SPOCK1: variants seen among roughly 807,000 people sequenced by gnomAD.
The protein encoded by SPOCK1 is testican-1.
In SPOCK1, 23 loss-of-function variants were observed where a neutral mutation model predicts 55.3. The observed-to-expected ratio is 0.42, with a 90% CI of 0.30 to 0.59. The LOEUF is 0.59. SPOCK1 is among the 20% of genes least tolerant of loss of function. SPOCK1 has a pLI of 0.22. For missense variants in SPOCK1, 499 were observed against 552.5 expected, an observed-to-expected ratio of 0.90 and a Z score of 0.97; for synonymous variants, 226 against 221.0, an observed-to-expected ratio of 1.02 and a Z score of -0.20.
chr5:137,196,459 G>T (rs1755300524), intron 3 of SPOCK1, among the ~76,000 whole-genome samples: 1 of 152,184 alleles, frequency 6.6e-6, no homozygotes, highest in African/African-American at 2.4e-5. Flanking sequence ...CATCTCACCA[G>T]GCTTTCCTTA....
chr5:137,420,217 T>A (rs920476588), intron 2 of SPOCK1, among the ~76,000 whole-genome samples: 12 of 152,242 alleles, frequency 7.9e-5, no homozygotes, highest in African/African-American at 1.2e-4. Context: ...ATTGAGAATT[T>A]TTGCATCAAT....
At chr5:136,991,874 C>T (rs978607173) in intron 7 of SPOCK1, among the ~76,000 whole-genome samples, 2 of 152,108 alleles carry the variant, frequency 1.3e-5, no homozygotes, top group Non-Finnish European at 2.9e-5. Flanking sequence ...CTGATGCTGG[C>T]GGGAGGCTCC....
intron 2 of SPOCK1, among the ~76,000 whole-genome samples, chr5:137,399,737 T>C (rs1308106795): frequency 3.9e-5 from 6 of 152,202 alleles, no homozygotes; most frequent in Non-Finnish European, 8.8e-5. Flanking sequence ...ATATATTTTT[T>C]AAATTGATTG....
At chr5:137,017,150 G>A (rs1170242586) in intron 6 of SPOCK1, among the ~76,000 whole-genome samples, 1 of 152,248 alleles carries the variant, frequency 6.6e-6, no homozygotes, top group East Asian at 1.9e-4. Flanking sequence ...CTACCACAGA[G>A]CGAGGAATTA....
intron 2 of SPOCK1, among the ~76,000 whole-genome samples, chr5:137,344,504 C>A (rs1750510033): frequency 6.6e-6 from 1 of 152,124 alleles, no homozygotes; most frequent in Admixed American, 6.5e-5. Context: ...GTGATTTTGC[C>A]CCCTAGGGGA....
At chr5:137,248,588 CT>C (rs1756445129) in intron 3 of SPOCK1, among the ~76,000 whole-genome samples, 1 of 152,172 alleles carries the variant, frequency 6.6e-6, no homozygotes, top group Non-Finnish European at 1.5e-5. Flanking sequence ...TTGAAGTCAA[CT>C]CTGTGTTCAA....
intron 2 of SPOCK1, among the ~76,000 whole-genome samples, chr5:137,306,281 G>A (rs1757699604): frequency 6.6e-6 from 1 of 152,230 alleles, no homozygotes; most frequent in Non-Finnish European, 1.5e-5. Flanking sequence ...CACCATGGGG[G>A]TTTGGTGCTC....
chr5:137,190,639 G>A (rs1235714428), intron 3 of SPOCK1, among the ~76,000 whole-genome samples: 1 of 152,154 alleles, frequency 6.6e-6, no homozygotes, highest in African/African-American at 2.4e-5. Context: ...TCTAAGGTAT[G>A]CCTGTACTCT....
intron 2 of SPOCK1, among the ~76,000 whole-genome samples, chr5:137,347,434 A>G (rs1442710076): frequency 6.6e-6 from 1 of 152,216 alleles, no homozygotes; most frequent in Non-Finnish European, 1.5e-5. Flanking sequence ...AGTATCAACT[A>G]AAACAGCCTC....
At chr5:136,983,450 C>G (rs1750772459) in intron 9 of SPOCK1, among the ~76,000 whole-genome samples, 1 of 152,132 alleles carries the variant, frequency 6.6e-6, no homozygotes, top group African/African-American at 2.4e-5. Flanking sequence ...TATCCACCCT[C>G]TCATTAAGGA....
At chr5:137,352,901 C>T (rs1189976188) in intron 2 of SPOCK1, among the ~76,000 whole-genome samples, 2 of 152,166 alleles carry the variant, frequency 1.3e-5, no homozygotes, top group African/African-American at 4.8e-5. Context: ...GACCCGTCTC[C>T]ATATTCTTTT....
chr5:137,146,263 C>T lies in SPOCK1; in HGVS notation c.233-5569G>A, dbSNP rs1166680187. On this transcript the variant is annotated intron_variant, in intron 3 of 10. Transcript: ENST00000394945. Reference sequence around the variant, plus strand: ...CCTCCTTCCTCCCTCTCCCCAGGAACACCAAGCCACACAGGATTCCGGGAG... The same window carrying T: ...CCTCCTTCCTCCCTCTCCCCAGGAATACCAAGCCACACAGGATTCCGGGAG... Among the ~76,000 whole-genome samples the T allele has an allele frequency of 2.1e-5, 3 of 144,862 alleles. No homozygotes were observed. In the East Asian group the frequency reaches 6.1e-4, roughly 29 times the overall value.
At chr5:137,056,031 G>T (rs1022879366) in intron 6 of SPOCK1, among the ~76,000 whole-genome samples, 6 of 152,184 alleles carry the variant, frequency 3.9e-5, no homozygotes, top group Non-Finnish European at 8.8e-5. Flanking sequence ...ACATAAATGT[G>T]CCTGGAAAAC....
chr5:136,983,386 A>G (rs1367797242), intron 9 of SPOCK1, among the ~76,000 whole-genome samples: 1 of 152,196 alleles, frequency 6.6e-6, no homozygotes, highest in East Asian at 1.9e-4. Context: ...ACCATGGAAC[A>G]CCATGTCTAT....
intron 2 of SPOCK1, among the ~76,000 whole-genome samples, chr5:137,441,399 G>T (rs1448649697): frequency 6.6e-6 from 1 of 152,178 alleles, no homozygotes; most frequent in African/African-American, 2.4e-5. Flanking sequence ...TCTCCTTTGG[G>T]ACTGGACCAA....
intron 2 of SPOCK1, among the ~76,000 whole-genome samples, chr5:137,363,695 A>G (rs558388684): frequency 1.2e-4 from 18 of 152,236 alleles, no homozygotes; most frequent in Admixed American, 9.2e-4. Flanking sequence ...CGAGGCAGAT[A>G]CCAGGTGCAA....
At chr5:137,028,734 G>A (rs1028621644) in intron 6 of SPOCK1, among the ~76,000 whole-genome samples, 22 of 152,076 alleles carry the variant, frequency 1.4e-4, no homozygotes, top group Admixed American at 1.1e-3. Context: ...ATCTCTCCCC[G>A]AGACTCGACC....
chr5:137,154,334 A>G (rs1477057242), intron 3 of SPOCK1, among the ~76,000 whole-genome samples: 1 of 152,202 alleles, frequency 6.6e-6, no homozygotes, highest in Non-Finnish European at 1.5e-5. Context: ...TGGTCACTCT[A>G]GATTAAGTGG....
In SPOCK1 at chr5:137,066,987, C is replaced by CACACACACACACAGAGAGAG. The variant is rs1343691789; in HGVS notation, c.589+727_589+728insCTCTCTCTGTGTGTGTGTGT. On this transcript the variant is annotated intron_variant, in intron 6 of 10. Coordinates refer to ENST00000394945, the MANE Select transcript of SPOCK1 (RefSeq NM_004598.4). ...ATACACACACACACACACACACACA[C>CACACACACACACAGAGAGAG]AGAGAGAGAGAGAGAGAGAGAGAAA... 2.5e-3 allele frequency among the ~76,000 whole-genome samples: 351 copies of CACACACACACACAGAGAGAG among 139,620 alleles called. 2 individuals are homozygous for CACACACACACACAGAGAGAG. The highest frequency in any genetic ancestry group is 8.8e-3 in the African/African-American group (334 of 38,132). The allele number at this position is 139,620 out of a possible 152,430, so 91.6% of individuals were successfully genotyped here. A position where few individuals can be genotyped will look rare whatever the true frequency, so the allele number is the denominator to read the frequency against.
Sources: gnomAD v4.1 joint callset for allele counts (sites outside exome capture counted in the v4.1 genomes callset) on GRCh38, gnomAD v4.1.1 for gene constraint, MANE v1.5 for transcripts, NCBI Gene and HGNC (gene_info 2026-07-23, HGNC 2026-07-21) for gene names.